Variants in HMCN1 observed in about 807,000 individuals in gnomAD.
HMCN1 encodes hemicentin 1, also known as hemicentin-1.
HMCN1 carries 321 observed loss-of-function variants against 625.9 expected under a neutral mutation model. That is an observed-to-expected ratio of 0.51 (90% CI 0.47 to 0.56). The LOEUF (loss-of-function observed/expected upper bound fraction) is 0.56, where lower values mean the gene tolerates loss of function less well. HMCN1 is among the 20% of genes least tolerant of loss of function. The pLI, the probability that HMCN1 is intolerant of heterozygous loss-of-function variation, is 0.00. For missense variants in HMCN1, 6,588 were observed against 6,887.3 expected (o/e 0.96, Z 1.54); for synonymous variants, 2,425 against 2,417.6 (o/e 1.00, Z -0.09).
chr1:186,017,058 C>G lies in HMCN1; in HGVS notation c.5287C>G (p.Pro1763Ala), dbSNP rs149624771. ...ELDCHVTGSP[P>A]PTIMWLKDGQ... ...AGATTGTCATGTGACAGGCTCTCCCCCACCAACTATCATGTAAGGGTTTTG... is the reference window on the plus strand; with the variant it reads ...AGATTGTCATGTGACAGGCTCTCCCGCACCAACTATCATGTAAGGGTTTTG... The change falls in exon 33 of 107, where the codon CCA (proline) becomes GCA (alanine). Residue 1763 changes from proline to alanine, a missense_variant. Transcript: ENST00000271588. 1 of 1,587,630 alleles carries G rather than the reference C, an allele frequency of 6.3e-7. No individual in the cohort carries two copies. The highest frequency in any genetic ancestry group is 1.3e-5 in the African/African-American group (1 of 74,322).
chr1:186,025,933 T>G (rs1655032648), intron 36 of HMCN1, among the ~76,000 whole-genome samples: 1 of 152,202 alleles, frequency 6.6e-6, no homozygotes, highest in Non-Finnish European at 1.5e-5. Flanking sequence ...GATCATGACT[T>G]GTGTACATAA....
rs550491184 is a variant in HMCN1 at position 185,989,763 on chromosome 1, C to A, written c.3208+116C>A. The stretch of plus-strand genomic sequence containing the variant: ...GTACCCCTAAAGTGAACTGCTCCCC[C>A]AGATTTCTATTTTTTTTTTTTTTTT... On this transcript the variant is annotated intron_variant, in intron 21 of 106. Coordinates refer to ENST00000271588, the MANE Select transcript of HMCN1 (RefSeq NM_031935.3). 22 of 897,376 alleles carry A rather than the reference C, an allele frequency of 2.5e-5. No individual in the cohort carries two copies. In the Admixed American group the frequency reaches 6.1e-4, roughly 25 times the overall value. The allele number at this position is 897,376 out of a possible 1,614,324, so 55.6% of individuals were successfully genotyped here. A position where few individuals can be genotyped will look rare whatever the true frequency, so the allele number is the denominator to read the frequency against.
chr1:185,862,158 T>G (rs1662912663), intron 2 of HMCN1, among the ~76,000 whole-genome samples: 1 of 151,964 alleles, frequency 6.6e-6, no homozygotes, highest in Non-Finnish European at 1.5e-5. Flanking sequence ...AGGGAGCAAT[T>G]TGTGGAGAAG....
chr1:185,937,969 T>A (rs887515872), intron 11 of HMCN1, among the ~76,000 whole-genome samples: 2 of 150,288 alleles, frequency 1.3e-5, no homozygotes, highest in Non-Finnish European at 3.0e-5. Flanking sequence ...GATTTGATTT[T>A]AAAAATGCAA....
At chr1:185,866,657 C>T (rs1254995726) in intron 4 of HMCN1, among the ~76,000 whole-genome samples, 14 of 151,938 alleles carry the variant, frequency 9.2e-5, no homozygotes, top group South Asian at 6.2e-4. Context: ...CCGCCCGCCT[C>T]GGCCTCCCAA....
chr1:185,974,543 G>T (rs993450124), intron 15 of HMCN1, among the ~76,000 whole-genome samples: 2 of 152,070 alleles, frequency 1.3e-5, no homozygotes, highest in South Asian at 4.1e-4. Flanking sequence ...GAAGCACCGT[G>T]CACCGTACTA....
chr1:186,103,165 G>T (rs1387177608), intron 68 of HMCN1, among the ~76,000 whole-genome samples: 1 of 151,956 alleles, frequency 6.6e-6, no homozygotes, highest in African/African-American at 2.4e-5. Flanking sequence ...GCTGCGTTTG[G>T]TTTTTATTGT....
At chr1:186,011,260 T>C (rs374352302) in intron 30 of HMCN1, among the ~76,000 whole-genome samples, 4 of 152,192 alleles carry the variant, frequency 2.6e-5, no homozygotes, top group Non-Finnish European at 5.9e-5. Flanking sequence ...TTAGCCAGGA[T>C]GGTCTCGAAC....
At chr1:186,168,905 C>A (rs1652056153) in intron 100 of HMCN1, among the ~76,000 whole-genome samples, 1 of 152,094 alleles carries the variant, frequency 6.6e-6, no homozygotes, top group Admixed American at 6.6e-5. Context: ...TAATGCTATC[C>A]CTCCCCTAAC....
At chr1:186,069,143 G>A (rs1392108582) in intron 50 of HMCN1, among the ~76,000 whole-genome samples, 10 of 152,098 alleles carry the variant, frequency 6.6e-5, no homozygotes, top group Non-Finnish European at 1.2e-4. Context: ...TATGTATGTT[G>A]GCAGAGGGGC....
chr1:185,964,004 T>C (rs747254140), intron 13 of HMCN1, 109 bp downstream of exon 13: 9 of 912,740 alleles, frequency 9.9e-6, no homozygotes, highest in Non-Finnish European at 1.6e-5. Flanking sequence ...CATGGTATTA[T>C]ACTTTATTAT....
In HMCN1 at chr1:186,144,211, T is replaced by G; in HGVS notation, c.13963T>G (p.Cys4655Gly). The change falls in exon 90 of 107, where the codon TGC (cysteine) becomes GGC (glycine). Residue 4655 changes from cysteine (C) to glycine (G), a missense_variant. Around this residue, in one of 3 missense-constraint regions of HMCN1, gnomAD observed 1,954 missense variants for 2,013.1 expected, o/e 0.97. Coordinates refer to ENST00000271588, the MANE Select transcript of HMCN1 (RefSeq NM_031935.3). ...GAGCGCTTGGCAGCCTTGGGGAACA[T>G]GCAGCGAAAGTTGTGGGAAAGGTAC... ...AWSAWQPWGTCSESCGKGTQT... is the reference protein window; with the variant it reads ...AWSAWQPWGTGSESCGKGTQT... The G allele has an allele frequency of 6.2e-7, 1 of 1,610,974 alleles. No individual in the cohort carries two copies. Among genetic ancestry groups the G allele is most frequent in the Non-Finnish European group, 8.5e-7 (1 of 1,178,360 alleles).
intron 106 of HMCN1, among the ~76,000 whole-genome samples, chr1:186,188,450 G>C (rs574247253): frequency 5.0e-4 from 76 of 152,308 alleles, no homozygotes; most frequent in African/African-American, 1.7e-3. Flanking sequence ...GATGAGTGAG[G>C]AATGAGTCAG....
intron 1 of HMCN1, among the ~76,000 whole-genome samples, chr1:185,787,737 C>A (rs1025110037): frequency 6.6e-6 from 1 of 152,310 alleles, no homozygotes; most frequent in South Asian, 2.1e-4. Flanking sequence ...GAGAAGGAAG[C>A]AAACTAACAT....
chr1:186,073,418 G>T (rs546617143), intron 52 of HMCN1, among the ~76,000 whole-genome samples: 1 of 152,170 alleles, frequency 6.6e-6, no homozygotes, highest in African/African-American at 2.4e-5. Context: ...ATATTTTTAA[G>T]TCATTTGGCA....
intron 55 of HMCN1, among the ~76,000 whole-genome samples, chr1:186,080,222 G>A (rs1459937600): frequency 2.0e-5 from 3 of 152,074 alleles, no homozygotes; most frequent in Non-Finnish European, 4.4e-5. Flanking sequence ...GTGCTTTGTG[G>A]CATTGAGTAT....
Position 186,098,733 on chromosome 1 carries a change from T to C in HMCN1, c.10573+3212T>C, listed in dbSNP as rs74809480. On this transcript the variant is annotated intron_variant, in intron 68 of 106. Transcript: ENST00000271588. ...AGTATGTCAAATAAATCCATGTTTATCACAGCACTATTCCCAACAGACAAG... is the reference window on the plus strand; with the variant it reads ...AGTATGTCAAATAAATCCATGTTTACCACAGCACTATTCCCAACAGACAAG... 5.3e-4 allele frequency among the ~76,000 whole-genome samples: 81 copies of C among 152,226 alleles called. No individual in the cohort carries two copies. In the East Asian group the frequency reaches 0.013, roughly 24 times the overall value.
Position 185,896,921 on chromosome 1 carries a change from A to G in HMCN1, c.622-12416A>G, listed in dbSNP as rs1665525192. 2.0e-5 allele frequency among the ~76,000 whole-genome samples: 3 copies of G among 152,234 alleles called. No homozygotes were observed. In the South Asian group the frequency reaches 6.2e-4, roughly 32 times the overall value. Reference sequence around the variant, plus strand: ...ATTTTGGCTGAAGTAAATTTCAAATATACCTTGATGCTGTTTTAATTTTCT... The same window carrying G: ...ATTTTGGCTGAAGTAAATTTCAAATGTACCTTGATGCTGTTTTAATTTTCT... On this transcript the variant is annotated intron_variant, in intron 4 of 106. Transcript: ENST00000271588.
Position 186,109,176 on chromosome 1 carries a change from T to G in HMCN1, c.10989+579T>G, listed in dbSNP as rs1660761376. Among the ~76,000 whole-genome samples the G allele has an allele frequency of 2.0e-5, 3 of 152,212 alleles. No individual in the cohort carries two copies. In the South Asian group the frequency reaches 6.2e-4, roughly 31 times the overall value. Reference sequence around the variant, plus strand: ...GACCACTGAAAGCTTTGACTTTGAATGTTTTGGATTATCCTCATTATTTTT... The same window carrying G: ...GACCACTGAAAGCTTTGACTTTGAAGGTTTTGGATTATCCTCATTATTTTT... On this transcript the variant is annotated intron_variant, in intron 71 of 106. Coordinates refer to ENST00000271588, the MANE Select transcript of HMCN1 (RefSeq NM_031935.3).
Sources: gnomAD v4.1 joint callset for allele counts (sites outside exome capture counted in the v4.1 genomes callset) on GRCh38, gnomAD v4.1.1 for gene constraint, gnomAD v4.1.1 regional missense constraint, MANE v1.5 for transcripts, NCBI Gene and HGNC (gene_info 2026-07-23, HGNC 2026-07-21) for gene names.